LTF: variants seen among roughly 807,000 people sequenced by gnomAD.
The protein encoded by LTF is lactotransferrin.
In LTF, 91 loss-of-function variants were observed where a neutral mutation model predicts 87.2. The observed-to-expected ratio is 1.04, with a 90% CI of 0.88 to 1.24. LTF has a LOEUF of 1.24. LTF is among the 50% of genes most tolerant of loss of function. The pLI is 0.00. For synonymous variants in LTF, 378 were observed against 356.1 expected (o/e 1.06, Z -0.69); for missense variants, 901 against 904.3 (o/e 1.00, Z 0.05).
In LTF at chr3:46,473,354, C is replaced by T. The variant is rs552352576; in HGVS notation, c.-319-2888G>A. Among the ~76,000 whole-genome samples, 63 of 152,326 alleles carry T rather than the reference C, an allele frequency of 4.1e-4. No individual in the cohort carries two copies. The South Asian group carries it at 6.0e-3, about 15-fold the overall frequency. ...GTGTACTCAACTGTGAACAGAACAG[C>T]TCAGCCTAGAAGTTCCACCAGCGCC... On this transcript the variant is annotated intron_variant, in intron 1 of 19. Coordinates refer to the LTF transcript ENST00000443496.
chr3:46,482,804 AAAGAAAG>A (rs2106932549), intron 1 of LTF, among the ~76,000 whole-genome samples: 1 of 74,084 alleles, frequency 1.3e-5, no homozygotes, highest in Non-Finnish European at 4.1e-5. Flanking sequence ...AGAAGGAAGG[AAAGAAAG>A]AAAGAAAGAA....
intron 14 of LTF, among the ~76,000 whole-genome samples, chr3:46,439,900 A>G (rs770364605): frequency 6.9e-6 from 1 of 144,620 alleles, no homozygotes; most frequent in African/African-American, 2.9e-5. Context: ...ACATAGCAAG[A>G]CCTCATCTCA....
chr3:46,446,556 T>C, intron 10 of LTF, 63 bp from the exon 11 acceptor site: 2 of 1,384,714 alleles, frequency 1.4e-6, no homozygotes, highest in South Asian at 1.2e-5. Flanking sequence ...AGCCACAAAC[T>C]CTTAAATCTC....
intron 1 of LTF, among the ~76,000 whole-genome samples, chr3:46,478,844 A>G (rs970620463): frequency 6.6e-6 from 1 of 152,236 alleles, no homozygotes; most frequent in Non-Finnish European, 1.5e-5. Context: ...AATATTTTTT[A>G]TGCCATTTTA....
chr3:46,439,587 G>A lies in LTF; in HGVS notation c.1724-107C>T, dbSNP rs1702466986. On this transcript the variant is annotated intron_variant, in intron 14 of 16. Coordinates refer to ENST00000231751, the MANE Select transcript of LTF (RefSeq NM_002343.6). Reference sequence around the variant, plus strand: ...ACTGACCTCCCAAATGCACACACTGGGGTTGTGGTGATGTGAGGAACAGAG... The same window carrying A: ...ACTGACCTCCCAAATGCACACACTGAGGTTGTGGTGATGTGAGGAACAGAG... 3.3e-6 allele frequency: 3 copies of A among 913,538 alleles called. No homozygotes were observed. In the African/African-American group the frequency reaches 5.0e-5, roughly 15 times the overall value. The allele number at this position is 913,538 out of a possible 1,614,324, so 56.6% of individuals were successfully genotyped here.
intron 6 of LTF, among the ~76,000 whole-genome samples, chr3:46,453,744 GTAA>G: frequency 6.6e-6 from 1 of 152,200 alleles, no homozygotes; most frequent in Non-Finnish European, 1.5e-5. Flanking sequence ...TGTCCAGCAC[GTAA>G]GTAAGGAACA....
chr3:46,436,415 G>T (rs1018441145), intron 16 of LTF, among the ~76,000 whole-genome samples, 186 bp from the exon 17 acceptor site: 1 of 152,224 alleles, frequency 6.6e-6, no homozygotes, highest in African/African-American at 2.4e-5. Context: ...AAGGGAGCCA[G>T]AGTCTAGCCC....
At chr3:46,476,374 G>A (rs1047256527) in intron 1 of LTF, among the ~76,000 whole-genome samples, 6 of 152,176 alleles carry the variant, frequency 3.9e-5, no homozygotes, top group Non-Finnish European at 8.8e-5. Flanking sequence ...CCTTTAGATA[G>A]TTAGTTATAA....
At chr3:46,470,994 G>A (rs2106917215) in intron 1 of LTF, among the ~76,000 whole-genome samples, 1 of 152,324 alleles carries the variant, frequency 6.6e-6, no homozygotes, top group Admixed American at 6.5e-5. Context: ...GGGCACAGAG[G>A]TTCAGGGTTG....
At chr3:46,443,856 G>A (rs896324992) in intron 12 of LTF, among the ~76,000 whole-genome samples, 1 of 152,220 alleles carries the variant, frequency 6.6e-6, no homozygotes, top group Admixed American at 6.5e-5. Flanking sequence ...ACAGCCTTGA[G>A]CTGGGGACTC....
intron 4 of LTF, 37 bp downstream of exon 4, chr3:46,455,759 C>A (rs1702912377): frequency 1.3e-6 from 2 of 1,531,850 alleles, no homozygotes; most frequent in African/African-American, 2.8e-5. Context: ...ATAGAGCCCC[C>A]TGCCTGAGGC....
chr3:46,444,992 T>C (rs551584637), intron 12 of LTF, among the ~76,000 whole-genome samples: 1 of 152,296 alleles, frequency 6.6e-6, no homozygotes, highest in South Asian at 2.1e-4. Flanking sequence ...AAAAAGCATT[T>C]GCACATCTTG....
intron 2 of LTF, among the ~76,000 whole-genome samples, chr3:46,470,150 G>A (rs1332307773): frequency 6.6e-6 from 1 of 152,228 alleles, no homozygotes; most frequent in Non-Finnish European, 1.5e-5. Context: ...TCTCCTGGCC[G>A]GGATAGCACC....
At chr3:46,441,359 T>G in intron 14 of LTF, 57 bp downstream of exon 14, 1 of 1,365,140 alleles carries the variant, frequency 7.3e-7, no homozygotes, top group Non-Finnish European at 1.0e-6. Context: ...AACACTAAGA[T>G]GTGTTGTGAT....
upstream of LTF, among the ~76,000 whole-genome samples, chr3:46,467,712 G>A (rs1703234599): frequency 6.8e-6 from 1 of 146,028 alleles, no homozygotes; most frequent in African/African-American, 2.6e-5. Context: ...CAGTGGTGGT[G>A]CAATCACAGC....
chr3:46,468,135 G>C (rs553691068), upstream of LTF: 6 of 454,020 alleles, frequency 1.3e-5, no homozygotes, highest in African/African-American at 1.0e-4. Flanking sequence ...AGAGGAACAG[G>C]CTAAGAAAGG....
intron 10 of LTF, among the ~76,000 whole-genome samples, 200 bp downstream of exon 10, chr3:46,447,108 A>G (rs1436239433): frequency 6.6e-6 from 1 of 152,234 alleles, no homozygotes; most frequent in Non-Finnish European, 1.5e-5. Context: ...AGAAGATAAA[A>G]CCAACCTGTC....
rs148611576 is a variant in LTF, at chr3:46,460,550, A to G, written c.44-731T>C. 37 of 455,696 alleles carry G rather than the reference A, an allele frequency of 8.1e-5. 1 individual carries two copies. The highest frequency in any genetic ancestry group is 6.2e-4 in the African/African-American group (31 of 50,178). 28.2% of individuals were successfully genotyped at this position (455,696 alleles called of 1,614,324 possible). ...TCCATGTAATTAGGGAGGAAGATGC[A>G]TTGAATTTACTCACCTGGTTGCCTG... On this transcript the variant is annotated intron_variant, in intron 1 of 16. Coordinates refer to ENST00000231751, the MANE Select transcript of LTF (RefSeq NM_002343.6).
At chr3:46,464,709 C>A in intron 1 of LTF, 116 bp downstream of exon 1, 2 of 1,145,916 alleles carry the variant, frequency 1.7e-6, no homozygotes, top group Non-Finnish European at 2.5e-6. Flanking sequence ...GCGCTGGGAC[C>A]GCGGGGCGCA....
Sources: allele counts gnomAD v4.1 joint callset (sites outside exome capture counted in the v4.1 genomes callset), GRCh38; gene constraint gnomAD v4.1.1; transcripts MANE v1.5; gene names NCBI Gene and HGNC (gene_info 2026-07-23, HGNC 2026-07-21).